Variants in LINC00632 observed in about 807,000 individuals in gnomAD.
The protein encoded by LINC00632 is ALDOA related specific transcript.
intron 3 of LINC00632, among the ~76,000 whole-genome samples, chrX:140,761,425 C>A (rs997109458): frequency 1.2e-4 from 13 of 112,488 alleles, no homozygotes; most frequent in African/African-American, 3.2e-4. Flanking sequence ...GGTCCCTTTG[C>A]AGATTCACAA....
chrX:140,761,954 C>T (rs940239706), intron 3 of LINC00632, among the ~76,000 whole-genome samples: 1 of 111,251 alleles, frequency 9.0e-6, no homozygotes, highest in East Asian at 2.8e-4. Context: ...GCAAACAGAG[C>T]ATGACGTTTG....
exon 4 of LINC00632, chrX:140,772,485 T>C: frequency 3.4e-6 from 1 of 293,217 alleles, no homozygotes. Context: ...GGGGTGAGAA[T>C]GGCATGCAAG....
intron 2 of LINC00632, among the ~76,000 whole-genome samples, chrX:140,720,817 T>C (rs753581690): frequency 3.6e-5 from 4 of 111,921 alleles, no homozygotes; most frequent in Non-Finnish European, 5.6e-5. Context: ...TTTTATTTCA[T>C]AACACCAACG....
chrX:140,768,641 ATATATTTAT>A (rs199658272), intron 3 of LINC00632, among the ~76,000 whole-genome samples: 45,731 of 93,993 alleles, frequency 0.49, 9,857 homozygotes, highest in Middle Eastern at 0.66. Context: ...ATACTATATA[ATATATTTAT>A]TATATATAAT....
exon 5 of LINC00632, among the ~76,000 whole-genome samples, chrX:140,776,377 G>T (rs1022678599): frequency 1.8e-5 from 2 of 112,771 alleles, no homozygotes; most frequent in Non-Finnish European, 3.8e-5. Context: ...TCAGGGTTTC[G>T]TGAGTAGCAG....
intron 2 of LINC00632, among the ~76,000 whole-genome samples, chrX:140,712,630 T>C (rs1315251187): frequency 1.8e-5 from 2 of 110,745 alleles, no homozygotes; most frequent in Non-Finnish European, 3.8e-5. Flanking sequence ...CTACCTCTTC[T>C]AGATAGGGAC....
At chrX:140,724,672 C>A (rs1474696365) in intron 2 of LINC00632, among the ~76,000 whole-genome samples, 4 of 89,742 alleles carry the variant, frequency 4.5e-5, no homozygotes, top group Non-Finnish European at 9.0e-5. Flanking sequence ...TCCATGCCCA[C>A]ACATTCCATA....
intron 3 of LINC00632, among the ~76,000 whole-genome samples, chrX:140,755,959 C>A (rs1931485874): frequency 9.3e-6 from 1 of 107,283 alleles, no homozygotes; most frequent in South Asian, 4.0e-4. Context: ...TTAAAATGGA[C>A]AAGTACATAT....
At chrX:140,759,488 C>G (rs759544565) in intron 3 of LINC00632, among the ~76,000 whole-genome samples, 5 of 109,805 alleles carry the variant, frequency 4.6e-5, no homozygotes, top group Non-Finnish European at 9.5e-5. Context: ...TCCAGAGAAG[C>G]TGGGACTACA....
chrX:140,715,114 T>C (rs902284092), intron 2 of LINC00632, among the ~76,000 whole-genome samples: 7 of 111,355 alleles, frequency 6.3e-5, no homozygotes, highest in Non-Finnish European at 1.3e-4. Flanking sequence ...TAGAGACACC[T>C]AATCTTTCTT....
At chrX:140,722,738 C>A (rs939413722) in intron 2 of LINC00632, among the ~76,000 whole-genome samples, 3 of 111,360 alleles carry the variant, frequency 2.7e-5, no homozygotes, top group Non-Finnish European at 5.6e-5. Flanking sequence ...ACCCAACAAA[C>A]CTTCCCCCAA....
chrX:140,742,321 T>C (rs761611585), intron 3 of LINC00632, among the ~76,000 whole-genome samples: 1 of 111,716 alleles, frequency 9.0e-6, no homozygotes, highest in East Asian at 2.8e-4. Context: ...TATGTAGGGC[T>C]CTTAGCTTGA....
chrX:140,713,770 T>C (rs1019582440), intron 2 of LINC00632: 7 of 336,711 alleles, frequency 2.1e-5, no homozygotes, highest in Non-Finnish European at 3.5e-5. Context: ...CAGAGGCACG[T>C]ATGTACTGCT....
intron 2 of LINC00632, among the ~76,000 whole-genome samples, chrX:140,720,086 C>CAAA (rs777219784): frequency 1.8e-5 from 1 of 56,352 alleles, no homozygotes; most frequent in Non-Finnish European, 3.4e-5. Context: ...GACTCCGTCT[C>CAAA]AAAAAAAAAA....
intron 2 of LINC00632, among the ~76,000 whole-genome samples, chrX:140,719,424 C>T (rs1048859590): frequency 9.0e-6 from 1 of 110,539 alleles, no homozygotes; most frequent in African/African-American, 3.3e-5. Flanking sequence ...GCAGCATCCC[C>T]AGTAGCTGGG....
intron 3 of LINC00632, among the ~76,000 whole-genome samples, chrX:140,752,237 G>A (rs974572618): frequency 4.5e-5 from 5 of 111,662 alleles, no homozygotes; most frequent in Admixed American, 9.6e-5. Context: ...CTATTTCCAC[G>A]TCTGAATAGT....
At chrX:140,784,484 C>T (rs756810676) in exon 5 of LINC00632, 135 of 862,431 alleles carry the variant, frequency 1.6e-4, no homozygotes, top group South Asian at 8.4e-4. Context: ...GGGCTTCCAG[C>T]ATCTGCTCGT....
exon 5 of LINC00632, among the ~76,000 whole-genome samples, chrX:140,786,522 T>C (rs770319087): frequency 8.2e-4 from 92 of 111,806 alleles, no homozygotes; most frequent in Non-Finnish European, 1.4e-3. Context: ...TCAGTTTTAC[T>C]AATCTGAGTG....
exon 5 of LINC00632, among the ~76,000 whole-genome samples, chrX:140,776,329 C>T (rs181680364): frequency 1.8e-5 from 2 of 112,914 alleles, no homozygotes; most frequent in African/African-American, 6.4e-5. Flanking sequence ...TCGTGAAGAA[C>T]CTGGCGCTAA....
Sources: allele counts gnomAD v4.1 joint callset (sites outside exome capture counted in the v4.1 genomes callset), GRCh38; gene constraint gnomAD v4.1.1; transcripts MANE v1.5; gene names NCBI Gene and HGNC (gene_info 2026-07-23, HGNC 2026-07-21).